The following SLC9A9 variants were observed in gnomAD, a reference collection of about 807,000 sequenced individuals.
SLC9A9 encodes sodium/hydrogen exchanger 9.
In SLC9A9, 62 loss-of-function variants were observed where a neutral mutation model predicts 77.8. The observed-to-expected ratio is 0.80, with a 90% CI of 0.65 to 0.98. The LOEUF is 0.98. Ranked by LOEUF, SLC9A9 falls within the 50% of genes least tolerant of loss-of-function variation. The probability of loss-of-function intolerance (pLI) is 0.00; values close to 1 mark genes in which losing one functional copy is unlikely to be tolerated. For synonymous variants in SLC9A9, 320 were observed against 283.5 expected, an observed-to-expected ratio of 1.13 and a Z score of -1.29; for missense variants, 775 against 774.9, an observed-to-expected ratio of 1.00 and a Z score of 0.00.
rs147343373 is a variant in SLC9A9 at position 143,727,539 on chromosome 3, G to A, written c.534-34232C>T. Among the ~76,000 whole-genome samples, 1,119 of 151,876 alleles carry A rather than the reference G, an allele frequency of 7.4e-3. 23 individuals are homozygous for A. The highest frequency in any genetic ancestry group is 6.5e-3 in the Non-Finnish European group (445 of 67,972). ...TGACTACTCTTTAGGACCAACACTAGTTTCTTTTACTATGATTAGATTACT... is the reference window on the plus strand; with the variant it reads ...TGACTACTCTTTAGGACCAACACTAATTTCTTTTACTATGATTAGATTACT... On this transcript the variant is annotated intron_variant, in intron 4 of 15. Coordinates refer to ENST00000316549, the MANE Select transcript of SLC9A9 (RefSeq NM_173653.4).
At chr3:143,805,890 G>T (rs1324482747) in intron 2 of SLC9A9, among the ~76,000 whole-genome samples, 1 of 152,100 alleles carries the variant, frequency 6.6e-6, no homozygotes. Context: ...CTCACACAAA[G>T]CCTGTTTGGT....
intron 4 of SLC9A9, among the ~76,000 whole-genome samples, chr3:143,766,222 G>A (rs2007314299): frequency 6.6e-6 from 1 of 152,194 alleles, no homozygotes; most frequent in South Asian, 2.1e-4. Context: ...GGACAACAGT[G>A]AACTGTAGAC....
chr3:143,623,986 C>G (rs1421995414), intron 6 of SLC9A9, among the ~76,000 whole-genome samples: 1 of 152,124 alleles, frequency 6.6e-6, no homozygotes, highest in Non-Finnish European at 1.5e-5. Flanking sequence ...ACTATAAACA[C>G]CTCTATGCAA....
At chr3:143,769,563 G>T (rs1038605271) in intron 4 of SLC9A9, among the ~76,000 whole-genome samples, 1 of 152,112 alleles carries the variant, frequency 6.6e-6, no homozygotes, top group African/African-American at 2.4e-5. Flanking sequence ...GCTCTCTTTT[G>T]CTATTTTCTA....
chr3:143,363,472 A>G lies in SLC9A9; in HGVS notation c.1604+12T>C. On this transcript the variant is annotated intron_variant, in intron 14 of 15. Coordinates refer to ENST00000316549, the MANE Select transcript of SLC9A9 (RefSeq NM_173653.4). Reference sequence around the variant, plus strand: ...CAGCAGGATCTGTGAGATCGTTATTATCAAAGGATACTTGTGGTCAAAGCT... The same window carrying G: ...CAGCAGGATCTGTGAGATCGTTATTGTCAAAGGATACTTGTGGTCAAAGCT... The G allele has an allele frequency of 6.2e-7, 1 of 1,611,182 alleles. No homozygotes were observed. The highest frequency in any genetic ancestry group is 2.2e-5 in the East Asian group (1 of 44,794).
intron 5 of SLC9A9, among the ~76,000 whole-genome samples, chr3:143,653,533 CG>C (rs2038835533): frequency 6.6e-6 from 1 of 151,772 alleles, no homozygotes; most frequent in Admixed American, 6.6e-5. Context: ...AACAGTGCTA[CG>C]AGGAAATAAA....
intron 14 of SLC9A9, among the ~76,000 whole-genome samples, chr3:143,297,043 AT>A (rs961070689): frequency 1.3e-5 from 2 of 151,998 alleles, no homozygotes; most frequent in African/African-American, 4.8e-5. Context: ...CCACTTGCCT[AT>A]TTTTACTTTT....
intron 14 of SLC9A9, among the ~76,000 whole-genome samples, chr3:143,285,458 GC>G (rs1938356712): frequency 6.6e-6 from 1 of 152,156 alleles, no homozygotes; most frequent in African/African-American, 2.4e-5. Context: ...GCCAGCCATG[GC>G]TACATAAGTA....
chr3:143,469,296 G>C (rs1402660716), intron 11 of SLC9A9, among the ~76,000 whole-genome samples: 1 of 152,206 alleles, frequency 6.6e-6, no homozygotes, highest in African/African-American at 2.4e-5. Flanking sequence ...AGCTAAAATG[G>C]AAGGTCTCTC....
intron 4 of SLC9A9, among the ~76,000 whole-genome samples, chr3:143,776,649 AT>A (rs2108843855): frequency 1.3e-5 from 2 of 152,338 alleles, no homozygotes; most frequent in South Asian, 4.1e-4. Context: ...AATGACTAAA[AT>A]TGAAATTAAT....
intron 14 of SLC9A9, among the ~76,000 whole-genome samples, chr3:143,284,052 TA>T (rs1938304136): frequency 1.3e-5 from 2 of 151,852 alleles, no homozygotes; most frequent in Non-Finnish European, 2.9e-5. Context: ...TTTTTTTTTT[TA>T]ATTTGGTAAG....
chr3:143,374,350 G>T (rs887845190), intron 13 of SLC9A9, among the ~76,000 whole-genome samples: 1 of 149,056 alleles, frequency 6.7e-6, no homozygotes, highest in African/African-American at 2.5e-5. Context: ...GCGTGAACCC[G>T]GGAGGCGGAG....
intron 13 of SLC9A9, among the ~76,000 whole-genome samples, chr3:143,370,052 C>A (rs2033011976): frequency 6.6e-6 from 1 of 152,192 alleles, no homozygotes; most frequent in Non-Finnish European, 1.5e-5. Context: ...AAAGACCTTG[C>A]ATCAGAAACA....
chr3:143,286,919 A>G (rs1443360114), intron 14 of SLC9A9, among the ~76,000 whole-genome samples: 1 of 152,176 alleles, frequency 6.6e-6, no homozygotes, highest in East Asian at 1.9e-4. Flanking sequence ...TTAAAGCAAA[A>G]TGAGGCTCCA....
At position 143,266,958 on chromosome 3, in the gene SLC9A9, C is replaced by T. The variant is rs1353441085; in HGVS notation, c.1711-29G>A. 2.5e-6 allele frequency: 4 copies of T among 1,603,984 alleles called. No homozygotes were observed. The African/African-American group carries it at 4.0e-5, about 16-fold the overall frequency. Reference sequence around the variant, plus strand: ...GTTGGGAAAAGAGAGAGAGGTGTCACTTCATGATGAAGGCAGAAAACAATA... The same window carrying T: ...GTTGGGAAAAGAGAGAGAGGTGTCATTTCATGATGAAGGCAGAAAACAATA... On this transcript the variant is annotated intron_variant, in intron 15 of 15. Coordinates refer to ENST00000316549, the MANE Select transcript of SLC9A9 (RefSeq NM_173653.4).
At chr3:143,382,019 A>G in intron 13 of SLC9A9, 41 bp downstream of exon 13, 6 of 1,602,712 alleles carry the variant, frequency 3.7e-6, no homozygotes, top group Non-Finnish European at 5.1e-6. Context: ...GAACAGAACA[A>G]TCATATCTCT....
intron 12 of SLC9A9, among the ~76,000 whole-genome samples, chr3:143,413,833 C>A (rs1410240471): frequency 2.6e-5 from 4 of 151,732 alleles, no homozygotes; most frequent in African/African-American, 7.3e-5. Flanking sequence ...CATGTACATG[C>A]ATGTGTGTTA....
At chr3:143,835,657 A>G (rs1576761155) in intron 1 of SLC9A9, among the ~76,000 whole-genome samples, 1 of 152,226 alleles carries the variant, frequency 6.6e-6, no homozygotes, top group Admixed American at 6.5e-5. Context: ...TTGTTTTTAT[A>G]CCATTCAAAG....
At chr3:143,753,094 T>C (rs1315029198) in intron 4 of SLC9A9, among the ~76,000 whole-genome samples, 4 of 152,182 alleles carry the variant, frequency 2.6e-5, no homozygotes, top group Non-Finnish European at 1.5e-5. Flanking sequence ...TTATTTGAAG[T>C]TCAGACCTTC....
Sources: gnomAD v4.1 joint callset for allele counts (sites outside exome capture counted in the v4.1 genomes callset) on GRCh38, gnomAD v4.1.1 for gene constraint, MANE v1.5 for transcripts, NCBI Gene and HGNC (gene_info 2026-07-23, HGNC 2026-07-21) for gene names.